ZNF536: variants seen among roughly 807,000 people sequenced by gnomAD.
ZNF536 encodes zinc finger protein 536.
ZNF536 carries 13 observed loss-of-function variants against 84.5 expected under a neutral mutation model. That is an observed-to-expected ratio of 0.15 (90% confidence interval 0.10 to 0.24). The LOEUF is 0.24. Among genes scored for constraint, ZNF536 ranks in the 10% least tolerant of loss-of-function variants. The probability of loss-of-function intolerance (pLI) is 1.00; values close to 1 mark genes in which losing one functional copy is unlikely to be tolerated. For synonymous variants in ZNF536, 811 were observed against 742.5 expected (o/e 1.09, Z -1.50); for missense variants, 1,536 against 1,747.5 (o/e 0.88, Z 2.16).
At chr19:30,396,592 C>CTTTTTTT (rs386388859) in intron 1 of ZNF536, among the ~76,000 whole-genome samples, 38 of 112,364 alleles carry the variant, frequency 3.4e-4, no homozygotes, top group South Asian at 6.3e-4. Context: ...AGGGCTCTCT[C>CTTTTTTT]TTTTTTTTTT....
intron 2 of ZNF536, among the ~76,000 whole-genome samples, chr19:30,454,440 A>G (rs895479421): frequency 2.0e-5 from 3 of 152,264 alleles, no homozygotes; most frequent in Non-Finnish European, 4.4e-5. Context: ...GTTAACGTTG[A>G]GTTCAACATG....
intron 2 of ZNF536, among the ~76,000 whole-genome samples, chr19:30,297,661 T>C (rs2046042281): frequency 6.6e-6 from 1 of 152,176 alleles, no homozygotes; most frequent in South Asian, 2.1e-4. Context: ...TTTGTAGAAA[T>C]GATGGCCGCT....
At chr19:30,279,651 C>A (rs151155043) in intron 1 of ZNF536, among the ~76,000 whole-genome samples, 1 of 152,242 alleles carries the variant, frequency 6.6e-6, no homozygotes, top group African/African-American at 2.4e-5. Context: ...GTTGCCAGCA[C>A]CCAGGGGGTG....
In ZNF536 at chr19:30,548,459, T is replaced by C. The variant is rs2146202298; in HGVS notation, c.2840T>C (p.Met947Thr). The C allele has an allele frequency of 6.2e-7, 1 of 1,614,082 alleles. No individual in the cohort carries two copies. The highest frequency in any genetic ancestry group is 8.5e-7 in the Non-Finnish European group (1 of 1,180,016). The change falls in exon 4 of 5, where the codon ATG (methionine) becomes ACG (threonine). Residue 947 changes from methionine (M) to threonine (T), a missense_variant. Transcript: ENST00000355537. ...AAAGCCCTGGCTGACCCCCCTTCCA[T>C]GAAAGTCCACGGAGTGGATGGTGGT... is the stretch of plus-strand genomic sequence containing the variant. ...KDKALADPPS[M>T]KVHGVDGGEE...
intron 1 of ZNF536, among the ~76,000 whole-genome samples, chr19:30,655,612 G>C (rs192804008): frequency 6.6e-6 from 1 of 152,178 alleles, no homozygotes; most frequent in African/African-American, 2.4e-5. Context: ...TTGGGGAATA[G>C]GGCAGAATTG....
intron 1 of ZNF536, among the ~76,000 whole-genome samples, chr19:30,233,862 G>A (rs954691993): frequency 2.6e-5 from 4 of 152,158 alleles, no homozygotes; most frequent in African/African-American, 9.7e-5. Flanking sequence ...CGTGACCCAC[G>A]TTCAGCTGCC....
intron 1 of ZNF536, among the ~76,000 whole-genome samples, chr19:30,263,881 T>TACAC (rs35687647): frequency 3.4e-5 from 5 of 148,010 alleles, no homozygotes; most frequent in South Asian, 2.1e-4. Context: ...CACACACACA[T>TACAC]ACACACACAC....
intron 1 of ZNF536, among the ~76,000 whole-genome samples, chr19:30,566,798 G>A (rs934999144): frequency 2.1e-4 from 32 of 150,802 alleles, no homozygotes; most frequent in Admixed American, 8.6e-4. Flanking sequence ...GGCCTCTCCG[G>A]ACAGTGGAGG....
intron 1 of ZNF536, among the ~76,000 whole-genome samples, chr19:30,238,151 T>C (rs1223591515): frequency 6.6e-6 from 1 of 152,232 alleles, no homozygotes; most frequent in Non-Finnish European, 1.5e-5. Flanking sequence ...ACTTGTGTAA[T>C]ACATGTTGTT....
intron 1 of ZNF536, among the ~76,000 whole-genome samples, chr19:30,264,966 T>A (rs5827697): frequency 0.046 from 6,128 of 133,784 alleles, 432 homozygotes; most frequent in African/African-American, 0.15. Context: ...TGTGTGTGTG[T>A]GAGAGAGAGA....
At chr19:30,598,855 C>G (rs1472818012) in intron 1 of ZNF536, among the ~76,000 whole-genome samples, 1 of 151,216 alleles carries the variant, frequency 6.6e-6, no homozygotes, top group Non-Finnish European at 1.5e-5. Context: ...CTTTTCTTTT[C>G]TTCCTTCCCT....
At chr19:30,702,405 A>T (rs1468526013) in intron 1 of ZNF536, among the ~76,000 whole-genome samples, 12 of 152,032 alleles carry the variant, frequency 7.9e-5, no homozygotes, top group Admixed American at 3.9e-4. Context: ...GTGATGGGAA[A>T]TGTTGATGGC....
intron 1 of ZNF536, among the ~76,000 whole-genome samples, chr19:30,619,119 T>C (rs1329905169): frequency 6.6e-6 from 1 of 152,190 alleles, no homozygotes. Flanking sequence ...AACCCCCCAT[T>C]TTTTGTGTGA....
intron 2 of ZNF536, among the ~76,000 whole-genome samples, chr19:30,319,266 C>T (rs2046780619): frequency 6.6e-6 from 1 of 152,224 alleles, no homozygotes; most frequent in Admixed American, 6.5e-5. Context: ...CAGGAACATG[C>T]TGGAATGATA....
chr19:30,308,709 A>G (rs2046411716), intron 2 of ZNF536, among the ~76,000 whole-genome samples: 1 of 152,144 alleles, frequency 6.6e-6, no homozygotes, highest in Non-Finnish European at 1.5e-5. Flanking sequence ...GCTCCTCTCC[A>G]GACAGCTTGG....
intron 1 of ZNF536, among the ~76,000 whole-genome samples, chr19:30,420,558 TACA>T (rs1351260332): frequency 6.6e-6 from 1 of 152,186 alleles, no homozygotes; most frequent in Non-Finnish European, 1.5e-5. Context: ...GTGTGTTAAT[TACA>T]ACAAGCCCGG....
At chr19:30,513,978 G>C (rs2055526198) in intron 2 of ZNF536, among the ~76,000 whole-genome samples, 1 of 152,218 alleles carries the variant, frequency 6.6e-6, no homozygotes, top group African/African-American at 2.4e-5. Flanking sequence ...GTGCTGTGTG[G>C]GACACACGAG....
intron 2 of ZNF536, among the ~76,000 whole-genome samples, chr19:30,348,729 C>A (rs1243018049): frequency 2.0e-5 from 3 of 152,102 alleles, no homozygotes; most frequent in Non-Finnish European, 2.9e-5. Context: ...GGAGGCAATA[C>A]AAAAGTACCA....
intron 4 of ZNF536, among the ~76,000 whole-genome samples, chr19:30,551,351 C>A (rs532622646): frequency 6.6e-6 from 1 of 152,164 alleles, no homozygotes; most frequent in South Asian, 2.1e-4. Context: ...GGTATCCTTT[C>A]GCACCAGGCG....
Sources: allele counts gnomAD v4.1 joint callset (sites outside exome capture counted in the v4.1 genomes callset), GRCh38; gene constraint gnomAD v4.1.1; transcripts MANE v1.5; gene names NCBI Gene and HGNC (gene_info 2026-07-23, HGNC 2026-07-21).